The following WAPL variants were observed in gnomAD, a reference collection of about 807,000 sequenced individuals.
WAPL encodes WAPL cohesin release factor.
A neutral mutation model predicts 121.0 loss-of-function variants in WAPL; 5 were observed. That is an observed-to-expected ratio of 0.04 (90% confidence interval 0.02 to 0.09). The LOEUF is 0.09. Among genes scored for constraint, WAPL ranks in the 10% least tolerant of loss-of-function variants. The probability of loss-of-function intolerance (pLI) is 1.00; values close to 1 mark genes in which losing one functional copy is unlikely to be tolerated. For missense variants in WAPL, 999 were observed against 1,410.8 expected, an observed-to-expected ratio of 0.71 and a Z score of 4.68; for synonymous variants, 480 against 481.5, an observed-to-expected ratio of 1.00 and a Z score of 0.04.
intron 4 of WAPL, among the ~76,000 whole-genome samples, chr10:86,491,061 TTAAA>T (rs548077152): frequency 6.6e-5 from 10 of 150,648 alleles, no homozygotes; most frequent in South Asian, 2.1e-4. Flanking sequence ...AGACTCTGTC[TTAAA>T]TAAATAAATA....
chr10:86,472,080 A>ATATC lies in WAPL; in HGVS notation c.2030+124_2030+127dup, dbSNP rs1491241234. On this transcript the variant is annotated intron_variant, in intron 7 of 18. Coordinates refer to ENST00000298767, the MANE Select transcript of WAPL (RefSeq NM_015045.5). This position sits in a 1 kb window ranked among gnomAD's most constrained non-coding sequence, Gnocchi z 4.2. ...ATAAAGAAATGGATAGCATTTTAAC[A>ATATC]TATCACTGGCTATACATACTACCCC... The ATATC allele has an allele frequency of 1.3e-6, 1 of 762,438 alleles. No individual in the cohort carries two copies. The highest frequency in any genetic ancestry group is 1.9e-6 in the Non-Finnish European group (1 of 519,348). The allele number at this position is 762,438 out of a possible 1,614,324, so 47.2% of individuals were successfully genotyped here.
In WAPL at chr10:86,467,920, C is replaced by T. The variant is rs1010324833; in HGVS notation, c.2143-414G>A. On this transcript the variant is annotated intron_variant, in intron 8 of 18. Transcript: ENST00000298767. ...GTCTCGATCTCCTGACTTCGTGATC[C>T]GCCCACCTCGGCCTCCCAAAATGCT... Among the ~76,000 whole-genome samples, 16 of 152,034 alleles carry T rather than the reference C, an allele frequency of 1.1e-4. No individual in the cohort carries two copies. The East Asian group carries it at 2.5e-3, about 24-fold the overall frequency.
At chr10:86,506,085 AT>A (rs1020089380) in intron 2 of WAPL, among the ~76,000 whole-genome samples, 1 of 152,176 alleles carries the variant, frequency 6.6e-6, no homozygotes, top group African/African-American at 2.4e-5. Flanking sequence ...ATCAAAAAAA[AT>A]TAGCTGACTG....
At chr10:86,479,267 G>A (rs1462095717) in intron 4 of WAPL, among the ~76,000 whole-genome samples, 3 of 152,088 alleles carry the variant, frequency 2.0e-5, no homozygotes, top group African/African-American at 7.2e-5. Flanking sequence ...GTTTTGTTTT[G>A]TTTTTGAGAC....
chr10:86,482,739 T>C (rs1218498386), intron 4 of WAPL, among the ~76,000 whole-genome samples: 1 of 152,164 alleles, frequency 6.6e-6, no homozygotes, highest in Non-Finnish European at 1.5e-5. Flanking sequence ...TAATAGATTA[T>C]AAACCATTTG....
chr10:86,461,115 T>C (rs1841262281), intron 10 of WAPL, 61 bp downstream of exon 10: 1 of 1,242,950 alleles, frequency 8.0e-7, no homozygotes. Flanking sequence ...AGTACGTCAA[T>C]GGAGTATTTT....
In WAPL at chr10:86,521,449, G is replaced by A. The variant is rs1324543334; in HGVS notation, c.-107C>T. On this transcript the variant is annotated 5_prime_UTR_variant, in exon 1 of 19. Coordinates refer to ENST00000298767, the MANE Select transcript of WAPL (RefSeq NM_015045.5). ...GCCCGCGGGCGGGCGCGGAACCCTCGCGCGGGAGAGCAGGGCCGGCAGGTG... is the reference window on the plus strand; with the variant it reads ...GCCCGCGGGCGGGCGCGGAACCCTCACGCGGGAGAGCAGGGCCGGCAGGTG... The A allele has an allele frequency of 6.4e-6, 2 of 311,368 alleles. No homozygotes were observed. Among genetic ancestry groups the A allele is most frequent in the East Asian group, 1.6e-4 (1 of 6,416 alleles). 19.3% of individuals were successfully genotyped at this position (311,368 alleles called of 1,614,324 possible). A position where few individuals can be genotyped will look rare whatever the true frequency, so the allele number is the denominator to read the frequency against.
At chr10:86,509,128 G>C (rs1332741069) in intron 2 of WAPL, among the ~76,000 whole-genome samples, 1 of 152,042 alleles carries the variant, frequency 6.6e-6, no homozygotes, top group Non-Finnish European at 1.5e-5. Context: ...TTTCTTTCCA[G>C]ATAATATTTA....
Position 86,453,219 on chromosome 10 carries a change from C to T in WAPL, c.2949+1G>A. Reference sequence around the variant, plus strand: ...TTTCTGAAAAAGTCATTTCAACTTACCAGCACTCGAATATCAAATCTCTGC... The same window carrying T: ...TTTCTGAAAAAGTCATTTCAACTTATCAGCACTCGAATATCAAATCTCTGC... On this transcript the variant is annotated splice_donor_variant, in intron 14 of 18. Transcript: ENST00000298767. LOFTEE classifies it high-confidence loss of function. The T allele has an allele frequency of 6.2e-7, 1 of 1,613,794 alleles. No homozygotes were observed. Among genetic ancestry groups the T allele is most frequent in the Non-Finnish European group, 8.5e-7 (1 of 1,179,804 alleles).
intron 2 of WAPL, among the ~76,000 whole-genome samples, chr10:86,515,088 C>T (rs1842529448): frequency 2.0e-5 from 3 of 151,598 alleles, no homozygotes; most frequent in Non-Finnish European, 2.9e-5. Context: ...GGTGAAACGC[C>T]GTCTCTACTA....
chr10:86,467,515 G>A lies in WAPL; in HGVS notation c.2143-9C>T. The A allele has an allele frequency of 6.3e-7, 1 of 1,576,430 alleles. No homozygotes were observed. Among genetic ancestry groups the A allele is most frequent in the Non-Finnish European group, 8.6e-7 (1 of 1,165,412 alleles). On this transcript the variant is annotated splice_polypyrimidine_tract_variant and intron_variant, in intron 8 of 18. Transcript: ENST00000298767. ...GTACAGAGGGACAGATTCTTCAACA[G>A]GCCAAAAAAAGAAAAGAAAAAAAAC...
At chr10:86,476,056 A>G (rs767203628) in intron 4 of WAPL, among the ~76,000 whole-genome samples, 7 of 152,224 alleles carry the variant, frequency 4.6e-5, no homozygotes, top group Non-Finnish European at 8.8e-5. Flanking sequence ...AAGCAAAAAG[A>G]GAAATTATTT....
chr10:86,521,222 T>TGA lies in WAPL; in HGVS notation c.-23+142_-23+143insTC, dbSNP rs925949968. 5.5e-5 allele frequency: 11 copies of TGA among 198,580 alleles called. No homozygotes were observed. The Admixed American group carries it at 6.5e-4, about 12-fold the overall frequency. The allele number at this position is 198,580 out of a possible 1,614,324, so 12.3% of individuals were successfully genotyped here. A position where few individuals can be genotyped will look rare whatever the true frequency, so the allele number is the denominator to read the frequency against. On this transcript the variant is annotated intron_variant, in intron 1 of 18. Transcript: ENST00000298767. Reference sequence around the variant, plus strand: ...GGAAAATAAAAGGGGAAAAAAAGAGTTCCTCAGGTCATTCCCCTGCCCAAC... The same window carrying TGA: ...GGAAAATAAAAGGGGAAAAAAAGAGTGATCCTCAGGTCATTCCCCTGCCCAAC...
At chr10:86,477,082 C>G (rs1178644539) in intron 4 of WAPL, among the ~76,000 whole-genome samples, 1 of 152,002 alleles carries the variant, frequency 6.6e-6, no homozygotes, top group Non-Finnish European at 1.5e-5. Context: ...CAGTGTCTTA[C>G]AAGATTAATA....
chr10:86,442,838 G>A (rs1849503307), intron 17 of WAPL, among the ~76,000 whole-genome samples: 1 of 152,084 alleles, frequency 6.6e-6, no homozygotes, highest in African/African-American at 2.4e-5. Flanking sequence ...AGGAGATTGA[G>A]ACCAACCTGG....
At chr10:86,476,553 G>A (rs1337188898) in intron 4 of WAPL, among the ~76,000 whole-genome samples, 1 of 151,918 alleles carries the variant, frequency 6.6e-6, no homozygotes, top group Non-Finnish European at 1.5e-5. Flanking sequence ...GCCAGGCATG[G>A]TGGTGAGTAA....
At chr10:86,520,239 G>C (rs1175747244) in intron 1 of WAPL, among the ~76,000 whole-genome samples, 1 of 152,220 alleles carries the variant, frequency 6.6e-6, no homozygotes, top group Non-Finnish European at 1.5e-5. Flanking sequence ...AGGTTGCGGT[G>C]AGCTGAGATC....
Position 86,479,116 on chromosome 10 carries a change from C to CA in WAPL, c.1645-5144dup, listed in dbSNP as rs113394508. Among the ~76,000 whole-genome samples, 201 of 147,958 alleles carry CA rather than the reference C, an allele frequency of 1.4e-3. 2 individuals carry two copies. The South Asian group carries it at 0.031, about 23-fold the overall frequency. On this transcript the variant is annotated intron_variant, in intron 4 of 18. Transcript: ENST00000298767. ...TCCATCTCAAAAAAACAAAAACAAA[C>CA]AAAAAAAACAAAACAACAACAACAA...
chr10:86,470,681 G>A (rs556535946), intron 8 of WAPL, among the ~76,000 whole-genome samples: 2 of 152,174 alleles, frequency 1.3e-5, no homozygotes, highest in African/African-American at 4.8e-5. Context: ...ATTCTTCTCA[G>A]TGCTTTCTGA....
Sources: allele counts gnomAD v4.1 joint callset (sites outside exome capture counted in the v4.1 genomes callset), GRCh38; gene constraint gnomAD v4.1.1; non-coding constraint Gnocchi (gnomAD v3.1); transcripts MANE v1.5; gene names NCBI Gene and HGNC (gene_info 2026-07-23, HGNC 2026-07-21).